The following COL4A5 variants were observed in gnomAD, a reference collection of about 807,000 sequenced individuals.
COL4A5 encodes the protein collagen alpha-5(IV) chain.
COL4A5 carries 26 observed loss-of-function variants against 130.2 expected under a neutral mutation model. That is an observed-to-expected ratio of 0.20 (90% CI 0.15 to 0.28). The LOEUF is 0.28. COL4A5 is among the 10% of genes least tolerant of loss of function. The pLI is 1.00. For missense variants in COL4A5, 1,131 were observed against 1,344.3 expected, an observed-to-expected ratio of 0.84 and a Z score of 2.48; for synonymous variants, 496 against 439.6, an observed-to-expected ratio of 1.13 and a Z score of -1.60.
At chrX:108,596,542 T>G (rs1335581329) in intron 22 of COL4A5, among the ~76,000 whole-genome samples, 1 of 112,316 alleles carries the variant, frequency 8.9e-6, no homozygotes, top group African/African-American at 3.2e-5. Flanking sequence ...GCTGCAAATG[T>G]TTCTCATAAA....
chrX:108,642,492 C>A (rs60595617), intron 36 of COL4A5, among the ~76,000 whole-genome samples: 11,435 of 110,411 alleles, frequency 0.1, 1,301 homozygotes, highest in African/African-American at 0.34. Context: ...CATTTCACCC[C>A]CTGCCACCTC....
chrX:108,523,217 AG>A (rs972400106), intron 1 of COL4A5, among the ~76,000 whole-genome samples: 4 of 111,340 alleles, frequency 3.6e-5, no homozygotes, highest in Non-Finnish European at 7.5e-5. Context: ...AGAGTTTTAT[AG>A]TTTTAGTTCT....
intron 1 of COL4A5, among the ~76,000 whole-genome samples, chrX:108,518,463 G>T (rs2065239638): frequency 9.0e-6 from 1 of 110,784 alleles, no homozygotes; most frequent in Non-Finnish European, 1.9e-5. Context: ...TCTGTTAGCT[G>T]ATGTCTTTGA....
intron 25 of COL4A5, among the ~76,000 whole-genome samples, chrX:108,600,533 T>A (rs1478657431): frequency 9.0e-6 from 1 of 111,594 alleles, no homozygotes; most frequent in Non-Finnish European, 1.9e-5. Flanking sequence ...ACAGTTTGAT[T>A]TTTAATGCTC....
At chrX:108,643,747 A>T (rs1006806992) in intron 36 of COL4A5, among the ~76,000 whole-genome samples, 4 of 112,272 alleles carry the variant, frequency 3.6e-5, no homozygotes, top group Non-Finnish European at 7.5e-5. Flanking sequence ...CTGGAAACAC[A>T]TAAAAACAGA....
At chrX:108,502,367 C>T (rs112027832) in intron 1 of COL4A5, among the ~76,000 whole-genome samples, 2,972 of 111,167 alleles carry the variant, frequency 0.027, 46 homozygotes, top group Middle Eastern at 0.065. Context: ...CTCACTGCAA[C>T]CTCTGCCTCC....
chrX:108,630,895 C>A (rs891438022), intron 36 of COL4A5, among the ~76,000 whole-genome samples: 6 of 112,200 alleles, frequency 5.3e-5, no homozygotes, highest in Non-Finnish European at 7.5e-5. Flanking sequence ...CTCCCAGCAT[C>A]ATTTATTAAA....
At chrX:108,620,233 ATT>A in intron 30 of COL4A5, 24 bp from the exon 31 acceptor site, 1 of 1,159,624 alleles carries the variant, frequency 8.6e-7, no homozygotes, top group Non-Finnish European at 1.2e-6. Context: ...TTCAGTACTT[ATT>A]AATATTGATA....
intron 1 of COL4A5, among the ~76,000 whole-genome samples, chrX:108,512,577 G>A (rs184905758): frequency 4.3e-4 from 47 of 109,878 alleles, no homozygotes; most frequent in South Asian, 1.2e-3. Flanking sequence ...ATCCGGGGGA[G>A]ACATCACATG....
rs1451041793 is a variant in COL4A5 at position 108,527,298 on chromosome X, CTATT to C, written c.82-12444_82-12441del. ...CCTCAATTACTTTGGGATTAATACT[CTATT>C]TATCTTTTTTAAAGGTTTACCCTAG... On this transcript the variant is annotated intron_variant, in intron 1 of 52. Transcript: ENST00000328300. Among the ~76,000 whole-genome samples, 7 of 111,055 alleles carry C rather than the reference CTATT, an allele frequency of 6.3e-5. No individual in the cohort carries two copies. In the South Asian group the frequency reaches 2.3e-3, roughly 36 times the overall value.
rs2272945 is a variant in COL4A5 at position 108,586,677 on chromosome X, G to T, written c.1095G>T (p.Gly365=). ...IGEKGNIGLP[G]LPGEKGERGF... ...AAAAAGGAAACATTGGGTTGCCTGG[G>T]TTGCCTGGAGAAAAAGGAGAGCGAG... Residue 365 remains glycine, a synonymous_variant, in exon 19 of 53, where the codon GGG becomes GGT. Transcript: ENST00000328300. 1 of 1,205,904 alleles carries T rather than the reference G, an allele frequency of 8.3e-7. No individual in the cohort carries two copies. Among genetic ancestry groups the T allele is most frequent in the African/African-American group, 1.8e-5 (1 of 56,480 alleles).
At chrX:108,635,851 C>T (rs2067341693) in intron 36 of COL4A5, among the ~76,000 whole-genome samples, 1 of 112,450 alleles carries the variant, frequency 8.9e-6, no homozygotes, top group Non-Finnish European at 1.9e-5. Context: ...AGGCTACTAT[C>T]TATCCTAAGC....
chrX:108,440,155 C>T lies in COL4A5; in HGVS notation c.30C>T (p.Ala10=). 2 of 1,209,010 alleles carry T rather than the reference C, an allele frequency of 1.7e-6. No individual in the cohort carries two copies. The highest frequency in any genetic ancestry group is 2.2e-6 in the Non-Finnish European group (2 of 894,514). The change falls in exon 1 of 53, where the codon GCC becomes GCT. Residue 10 remains alanine, a synonymous_variant. Coordinates refer to ENST00000328300, the MANE Select transcript of COL4A5 (RefSeq NM_033380.3). Reference sequence around the variant, plus strand: ...AACTGCGTGGAGTCAGCCTGGCTGCCGGCTTGTTCTTACTGGCCCTGAGTC... The same window carrying T: ...AACTGCGTGGAGTCAGCCTGGCTGCTGGCTTGTTCTTACTGGCCCTGAGTC... MKLRGVSLA[A]GLFLLALSLW...
intron 37 of COL4A5, among the ~76,000 whole-genome samples, chrX:108,663,893 T>C (rs2068017496): frequency 9.0e-6 from 1 of 111,571 alleles, no homozygotes; most frequent in African/African-American, 3.3e-5. Flanking sequence ...TCCAAAACAA[T>C]ATTGAAAACG....
At chrX:108,581,340 A>G (rs2066245379) in intron 16 of COL4A5, among the ~76,000 whole-genome samples, 1 of 111,899 alleles carries the variant, frequency 8.9e-6, no homozygotes, top group Admixed American at 9.5e-5. Flanking sequence ...ATTACAAACA[A>G]TCCAGTTACA....
At chrX:108,673,902 C>T (rs954052117) in intron 42 of COL4A5, among the ~76,000 whole-genome samples, 1 of 108,248 alleles carries the variant, frequency 9.2e-6, no homozygotes, top group Admixed American at 1.0e-4. Flanking sequence ...ATTAGCCAGG[C>T]GTGGTGGTGG....
At chrX:108,670,763 C>T (rs1001484649) in intron 42 of COL4A5, 1 of 318,502 alleles carries the variant, frequency 3.1e-6, no homozygotes, top group East Asian at 9.8e-5. Flanking sequence ...CTAATAGGGC[C>T]GGGCACCATG....
At chrX:108,520,308 T>C (rs28366663) in intron 1 of COL4A5, among the ~76,000 whole-genome samples, 11,608 of 111,273 alleles carry the variant, frequency 0.1, 1,296 homozygotes, top group African/African-American at 0.34. Flanking sequence ...AGCCTTAAGG[T>C]CCAGTATATG....
chrX:108,627,062 C>CT, intron 36 of COL4A5: 6 of 659,868 alleles, frequency 9.1e-6, no homozygotes, highest in Non-Finnish European at 1.1e-5. Flanking sequence ...GATAATTTTT[C>CT]TTTTAATATT....
Sources: allele counts gnomAD v4.1 joint callset (sites outside exome capture counted in the v4.1 genomes callset), GRCh38; gene constraint gnomAD v4.1.1; transcripts MANE v1.5; gene names NCBI Gene and HGNC (gene_info 2026-07-23, HGNC 2026-07-21).